The following PRKG1 variants were observed in gnomAD, a reference collection of about 807,000 sequenced individuals.
The protein encoded by PRKG1 is cGMP-dependent protein kinase 1.
PRKG1 carries 35 observed loss-of-function variants against 88.1 expected under a neutral mutation model. The observed-to-expected ratio is 0.40, with a 90% CI of 0.30 to 0.53. PRKG1 has a LOEUF of 0.53. Ranked by LOEUF, PRKG1 falls within the 20% of genes least tolerant of loss-of-function variation. PRKG1 has a pLI of 0.59. For synonymous variants in PRKG1, 303 were observed against 292.5 expected, an observed-to-expected ratio of 1.04 and a Z score of -0.37; for missense variants, 540 against 839.8, an observed-to-expected ratio of 0.64 and a Z score of 4.41.
chr10:52,198,625 G>T (rs1839573755), intron 9 of PRKG1, among the ~76,000 whole-genome samples: 1 of 152,092 alleles, frequency 6.6e-6, no homozygotes, highest in Admixed American at 6.6e-5. Context: ...TCACACGTCT[G>T]GAGCCCAGAA....
intron 2 of PRKG1, among the ~76,000 whole-genome samples, chr10:51,161,516 G>A (rs1846361746): frequency 6.6e-6 from 1 of 152,160 alleles, no homozygotes; most frequent in African/African-American, 2.4e-5. Flanking sequence ...ACACTAGGAA[G>A]AGGCATAGTG....
chr10:51,329,157 C>A (rs926390926), intron 2 of PRKG1, among the ~76,000 whole-genome samples: 1 of 152,082 alleles, frequency 6.6e-6, no homozygotes, highest in East Asian at 1.9e-4. Context: ...TGTCATGGAA[C>A]CTTTTCCCTA....
chr10:51,347,994 C>T (rs547570968), intron 2 of PRKG1, among the ~76,000 whole-genome samples: 29 of 151,934 alleles, frequency 1.9e-4, no homozygotes, highest in African/African-American at 5.1e-4. Context: ...ACCCGGGAGG[C>T]GGAGCTTGCA....
At chr10:52,059,182 A>T (rs1464449848) in intron 6 of PRKG1, among the ~76,000 whole-genome samples, 1 of 152,010 alleles carries the variant, frequency 6.6e-6, no homozygotes, top group Non-Finnish European at 1.5e-5. Context: ...GCTAGTGAGG[A>T]TGCAGAGCAA....
chr10:51,931,271 C>T (rs1213439378), intron 5 of PRKG1, among the ~76,000 whole-genome samples: 1 of 152,062 alleles, frequency 6.6e-6, no homozygotes, highest in African/African-American at 2.4e-5. Flanking sequence ...TTCAACATCT[C>T]AAAATACAAT....
chr10:51,199,836 C>A (rs1837867813), intron 2 of PRKG1, among the ~76,000 whole-genome samples: 1 of 152,156 alleles, frequency 6.6e-6, no homozygotes, highest in South Asian at 2.1e-4. Flanking sequence ...TGTTACACAT[C>A]CTGGGTTACA....
intron 5 of PRKG1, among the ~76,000 whole-genome samples, chr10:51,928,849 G>A (rs755851306): frequency 2.0e-5 from 3 of 152,100 alleles, no homozygotes; most frequent in Non-Finnish European, 2.9e-5. Context: ...CACAGCCTTC[G>A]CAATTATATA....
chr10:51,179,509 A>G (rs1442077998), intron 2 of PRKG1, among the ~76,000 whole-genome samples: 1 of 152,220 alleles, frequency 6.6e-6, no homozygotes, highest in Non-Finnish European at 1.5e-5. Context: ...CTGACAGAAT[A>G]GAATATGACA....
rs530872854 is a variant in PRKG1 at position 52,256,153 on chromosome 10, C to A, written c.1173+4487C>A. On this transcript the variant is annotated intron_variant, in intron 10 of 17. Transcript: ENST00000373980. ...TTCTTACCACCACCATCAACAACCA[C>A]CCCCAAATCAAACAAGTGTTACTTC... is the stretch of plus-strand genomic sequence containing the variant. 2.2e-4 allele frequency among the ~76,000 whole-genome samples: 31 copies of A among 139,322 alleles called. 5 individuals are homozygous for A. The highest frequency in any genetic ancestry group is 5.0e-4 in the Non-Finnish European group (31 of 61,636). The allele number at this position is 139,322 out of a possible 152,430, so 91.4% of individuals were successfully genotyped here.
At chr10:52,224,629 A>C (rs1435785725) in intron 9 of PRKG1, among the ~76,000 whole-genome samples, 4 of 136,530 alleles carry the variant, frequency 2.9e-5, no homozygotes, top group South Asian at 2.4e-4. Context: ...CCCAAAGTCC[A>C]TTGTATCATT....
intron 5 of PRKG1, among the ~76,000 whole-genome samples, chr10:52,036,965 G>T (rs1163864034): frequency 1.3e-5 from 2 of 152,280 alleles, no homozygotes; most frequent in Admixed American, 6.5e-5. Context: ...CACTGTGAGA[G>T]TTACCGGAAG....
At chr10:51,618,174 A>C (rs867474866) in intron 3 of PRKG1, among the ~76,000 whole-genome samples, 1 of 152,188 alleles carries the variant, frequency 6.6e-6, no homozygotes, top group South Asian at 2.1e-4. Flanking sequence ...TCAGAGATTA[A>C]GGAAACTTGG....
chr10:51,963,121 A>T (rs1242631769), intron 5 of PRKG1, among the ~76,000 whole-genome samples: 1 of 152,176 alleles, frequency 6.6e-6, no homozygotes, highest in Non-Finnish European at 1.5e-5. Flanking sequence ...AGGTAAAAAA[A>T]ATTAACTGGC....
intron 3 of PRKG1, among the ~76,000 whole-genome samples, chr10:51,574,499 A>T (rs1395056727): frequency 6.6e-6 from 1 of 151,988 alleles, no homozygotes; most frequent in Non-Finnish European, 1.5e-5. Context: ...GCTGTTAAGC[A>T]GGCAAATGGT....
chr10:51,225,561 T>C (rs1838670127), intron 2 of PRKG1, among the ~76,000 whole-genome samples: 1 of 152,190 alleles, frequency 6.6e-6, no homozygotes, highest in Admixed American at 6.6e-5. Context: ...TTATTTTCCT[T>C]TTTAATCTTT....
intron 2 of PRKG1, among the ~76,000 whole-genome samples, chr10:51,301,496 T>C (rs551213107): frequency 6.6e-6 from 1 of 152,268 alleles, no homozygotes; most frequent in Admixed American, 6.5e-5. Flanking sequence ...ATTACAGCCT[T>C]GAGTGAGCCA....
intron 3 of PRKG1, among the ~76,000 whole-genome samples, chr10:51,582,958 CT>C (rs1376937466): frequency 2.0e-5 from 3 of 152,114 alleles, no homozygotes; most frequent in Non-Finnish European, 4.4e-5. Flanking sequence ...TATTTTACTA[CT>C]TTACTGTTTT....
chr10:51,594,394 A>G (rs12248944), intron 3 of PRKG1, among the ~76,000 whole-genome samples: 10,923 of 152,218 alleles, frequency 0.072, 1,288 homozygotes, highest in African/African-American at 0.25. Flanking sequence ...AGGTAGCCAT[A>G]AAGTCTAGAA....
chr10:52,169,991 A>G (rs1376032733), intron 9 of PRKG1, among the ~76,000 whole-genome samples: 2 of 152,170 alleles, frequency 1.3e-5, no homozygotes, highest in Non-Finnish European at 2.9e-5. Flanking sequence ...TTGTGATGTT[A>G]TTTCTTGGTT....
Sources: allele counts gnomAD v4.1 joint callset (sites outside exome capture counted in the v4.1 genomes callset), GRCh38; gene constraint gnomAD v4.1.1; transcripts MANE v1.5; gene names NCBI Gene and HGNC (gene_info 2026-07-23, HGNC 2026-07-21).